The following CYYR1 variants were observed in gnomAD, a reference collection of about 807,000 sequenced individuals.
CYYR1 encodes the protein cysteine and tyrosine rich 1, also known as cysteine and tyrosine-rich protein 1.
Under a neutral mutation model 15.2 loss-of-function variants are expected in CYYR1, and 14 were observed. The ratio of observed to expected loss-of-function variants is 0.92; its 90% confidence interval spans 0.61 to 1.44. CYYR1 has a LOEUF of 1.44. Among genes scored for constraint, CYYR1 ranks in the 40% most tolerant of loss-of-function variants. CYYR1 has a pLI of 0.00. For missense variants in CYYR1, 228 were observed against 209.5 expected (o/e 1.09, Z -0.54); for synonymous variants, 80 against 77.4 (o/e 1.03, Z -0.18).
intron 2 of CYYR1, among the ~76,000 whole-genome samples, chr21:26,535,223 A>G (rs2065980265): frequency 6.6e-6 from 1 of 152,172 alleles, no homozygotes; most frequent in South Asian, 2.1e-4. Context: ...CCCATGTAAC[A>G]AACCTGCATA....
intron 2 of CYYR1, among the ~76,000 whole-genome samples, chr21:26,521,324 T>C (rs779683469): frequency 2.6e-5 from 4 of 152,250 alleles, no homozygotes; most frequent in Non-Finnish European, 4.4e-5. Context: ...TAACCCATCA[T>C]GCTAACCAGC....
chr21:26,495,720 A>G (rs919496159), intron 2 of CYYR1, among the ~76,000 whole-genome samples: 1 of 152,236 alleles, frequency 6.6e-6, no homozygotes, highest in Admixed American at 6.5e-5. Flanking sequence ...AAGAAATGAA[A>G]GTGTATTTGG....
chr21:26,555,489 TTAAAG>T (rs1979708283), intron 2 of CYYR1, among the ~76,000 whole-genome samples: 1 of 152,300 alleles, frequency 6.6e-6, no homozygotes, highest in East Asian at 1.9e-4. Flanking sequence ...AGAAATATGT[TTAAAG>T]TAATTTGTCA....
At chr21:26,544,831 A>G (rs1978838114) in intron 2 of CYYR1, among the ~76,000 whole-genome samples, 1 of 152,188 alleles carries the variant, frequency 6.6e-6, no homozygotes, top group South Asian at 2.1e-4. Context: ...CATGCCTGTA[A>G]TCCCAGCACT....
chr21:26,496,362 G>T (rs1159050170), intron 2 of CYYR1, among the ~76,000 whole-genome samples: 2 of 152,096 alleles, frequency 1.3e-5, no homozygotes, highest in Non-Finnish European at 2.9e-5. Flanking sequence ...TGGAAAAGAA[G>T]AATATTTTAG....
At chr21:26,480,740 C>G (rs1267803972) in intron 2 of CYYR1, among the ~76,000 whole-genome samples, 1 of 152,018 alleles carries the variant, frequency 6.6e-6, no homozygotes, top group Non-Finnish European at 1.5e-5. Context: ...TAGATATGCT[C>G]TCCAAAGTAA....
chr21:26,478,079 T>C (rs1170367223), intron 3 of CYYR1: 2 of 1,549,582 alleles, frequency 1.3e-6, no homozygotes, highest in South Asian at 2.4e-5. Context: ...TCTTACATGC[T>C]TGGAATAGAG....
intron 3 of CYYR1, chr21:26,478,192 A>C: frequency 6.5e-7 from 1 of 1,541,568 alleles, no homozygotes; most frequent in Non-Finnish European, 8.8e-7. Flanking sequence ...AAACTATACG[A>C]TATCTTGGAA....
At chr21:26,543,700 G>A (rs2075805902) in intron 2 of CYYR1, among the ~76,000 whole-genome samples, 2 of 152,146 alleles carry the variant, frequency 1.3e-5, no homozygotes, top group Non-Finnish European at 2.9e-5. Context: ...GAGGTCCGGA[G>A]TTCGAGACCA....
intron 2 of CYYR1, among the ~76,000 whole-genome samples, chr21:26,535,909 A>C (rs13048434): frequency 0.041 from 6,269 of 152,276 alleles, 191 homozygotes; most frequent in Non-Finnish European, 0.065. Context: ...AGCATGAGAA[A>C]GAGGTGTATT....
intron 2 of CYYR1, among the ~76,000 whole-genome samples, chr21:26,553,609 G>C (rs1446219069): frequency 6.6e-6 from 1 of 152,016 alleles, no homozygotes; most frequent in African/African-American, 2.4e-5. Context: ...TGGCTAGTTG[G>C]GCAGTATTTC....
chr21:26,495,432 A>C (rs1360581091), intron 2 of CYYR1, among the ~76,000 whole-genome samples: 2 of 152,320 alleles, frequency 1.3e-5, no homozygotes, highest in East Asian at 3.9e-4. Context: ...AACAGACTTA[A>C]AGAAAGTGAT....
rs2065982504 is a variant in CYYR1, at chr21:26,535,418, G to C, written c.176+30848C>G. Reference sequence around the variant, plus strand: ...CTCATTGTTGAATGTGGGCAAAAAGGGGGAGAGGGAAAGTTATAAAAGAAG... The same window carrying C: ...CTCATTGTTGAATGTGGGCAAAAAGCGGGAGAGGGAAAGTTATAAAAGAAG... On this transcript the variant is annotated intron_variant, in intron 2 of 3. Transcript: ENST00000652641. 2.0e-5 allele frequency among the ~76,000 whole-genome samples: 3 copies of C among 152,256 alleles called. No individual in the cohort carries two copies. The East Asian group carries it at 5.8e-4, about 29-fold the overall frequency.
At chr21:26,494,570 A>G (rs937397842) in intron 2 of CYYR1, among the ~76,000 whole-genome samples, 3 of 152,072 alleles carry the variant, frequency 2.0e-5, no homozygotes, top group African/African-American at 7.2e-5. Context: ...CTTTTGTCTC[A>G]AAGACCTTGG....
chr21:26,508,477 C>T (rs1198718770), intron 2 of CYYR1, among the ~76,000 whole-genome samples: 2 of 152,122 alleles, frequency 1.3e-5, no homozygotes, highest in African/African-American at 4.8e-5. Context: ...GAAATGGTTA[C>T]CAATCTTTGC....
chr21:26,535,034 C>G (rs546042429), intron 2 of CYYR1, among the ~76,000 whole-genome samples: 1 of 152,152 alleles, frequency 6.6e-6, no homozygotes, highest in African/African-American at 2.4e-5. Flanking sequence ...CTTATTCATT[C>G]ATTTTTATTT....
At chr21:26,478,142 A>C (rs2065127145) in intron 3 of CYYR1, 1 of 1,549,294 alleles carries the variant, frequency 6.5e-7, no homozygotes, top group Non-Finnish European at 8.7e-7. Context: ...TATTCTAGGA[A>C]GAGGAAATGA....
chr21:26,558,154 C>T (rs539542065), intron 2 of CYYR1, among the ~76,000 whole-genome samples: 106 of 152,296 alleles, frequency 7.0e-4, no homozygotes, highest in African/African-American at 2.5e-3. Context: ...CAGGCCCCAT[C>T]CAGACCTACC....
intron 2 of CYYR1, among the ~76,000 whole-genome samples, chr21:26,486,454 T>C (rs2065248888): frequency 6.6e-6 from 1 of 151,976 alleles, no homozygotes; most frequent in South Asian, 2.1e-4. Context: ...AGGTATTAGA[T>C]TTAGGTTGAG....
Sources: allele counts gnomAD v4.1 joint callset (sites outside exome capture counted in the v4.1 genomes callset), GRCh38; gene constraint gnomAD v4.1.1; transcripts MANE v1.5; gene names NCBI Gene and HGNC (gene_info 2026-07-23, HGNC 2026-07-21).